The following FAM135B variants were observed in gnomAD, a reference collection of about 807,000 sequenced individuals.
FAM135B encodes protein FAM135B.
FAM135B carries 43 observed loss-of-function variants against 127.7 expected under a neutral mutation model. The ratio of observed to expected loss-of-function variants is 0.34; its 90% CI spans 0.26 to 0.43. The LOEUF is 0.43. Among genes scored for constraint, FAM135B ranks in the 20% least tolerant of loss-of-function variants. FAM135B has a pLI of 1.00. For missense variants in FAM135B, 1,558 were observed against 1,725.6 expected (o/e 0.90, Z 1.72); for synonymous variants, 670 against 665.1 (o/e 1.01, Z -0.11).
At chr8:138,409,624 C>A in intron 1 of FAM135B, among the ~76,000 whole-genome samples, 1 of 151,920 alleles carries the variant, frequency 6.6e-6, no homozygotes, top group East Asian at 1.9e-4. Context: ...GCCTGTAATC[C>A]CAGCACTTTG....
At chr8:138,447,614 T>C (rs1204953971) in intron 1 of FAM135B, among the ~76,000 whole-genome samples, 1 of 145,616 alleles carries the variant, frequency 6.9e-6, no homozygotes, top group African/African-American at 2.6e-5. Flanking sequence ...TGAGAACACT[T>C]GTACACAGGA....
intron 9 of FAM135B, among the ~76,000 whole-genome samples, chr8:138,181,970 A>G (rs536321281): frequency 2.0e-5 from 3 of 152,238 alleles, no homozygotes; most frequent in East Asian, 3.9e-4. Flanking sequence ...AGTGAGGGTC[A>G]GTGACTCTTT....
At chr8:138,466,881 C>T (rs1008304710) in intron 1 of FAM135B, among the ~76,000 whole-genome samples, 1 of 152,252 alleles carries the variant, frequency 6.6e-6, no homozygotes, top group South Asian at 2.1e-4. Flanking sequence ...ACAAACTTTA[C>T]TTTGATGATT....
In FAM135B at chr8:138,151,952, G is replaced by A. The variant is rs771264304; in HGVS notation, c.2523C>T (p.Gly841=). The A allele has an allele frequency of 4.3e-6, 7 of 1,613,998 alleles. No homozygotes were observed. The highest frequency in any genetic ancestry group is 4.0e-5 in the African/African-American group (3 of 74,910). Residue 841 remains glycine (G), a synonymous_variant, in exon 13 of 20, where the codon GGC becomes GGT. Coordinates refer to ENST00000395297, the MANE Select transcript of FAM135B (RefSeq NM_015912.4). ...CTTTGGGGATGTCTATGTATCCGGG[G>A]CCCTGCTGGTTGTCAGCATCTAAAA... is the stretch of plus-strand genomic sequence containing the variant. ...EIVLDADNQQ[G]PGYIDIPKGK...
chr8:138,147,030 T>C (rs1046289733), intron 14 of FAM135B, among the ~76,000 whole-genome samples: 18 of 152,192 alleles, frequency 1.2e-4, no homozygotes, highest in African/African-American at 3.6e-4. Context: ...TGGAGTTATC[T>C]CTAATGCTTA....
intron 3 of FAM135B, among the ~76,000 whole-genome samples, chr8:138,304,044 T>C (rs909175819): frequency 3.3e-5 from 5 of 152,152 alleles, no homozygotes; most frequent in African/African-American, 4.8e-5. Flanking sequence ...TAACTTATGA[T>C]GGGTGTGCTG....
rs557713565 is a variant in FAM135B, at chr8:138,462,542, C to T, written c.-20+34129G>A. Among the ~76,000 whole-genome samples the T allele has an allele frequency of 2.6e-5, 4 of 152,214 alleles. No individual in the cohort carries two copies. The East Asian group carries it at 7.7e-4, about 29-fold the overall frequency. ...CAGAGGGTGTGCAGGTCCTAGAATG[C>T]TACCTGGAGTCACTGGGGAGAGGAG... On this transcript the variant is annotated intron_variant, in intron 1 of 19. Transcript: ENST00000395297.
chr8:138,487,991 G>A (rs1386160401), intron 1 of FAM135B, among the ~76,000 whole-genome samples: 1 of 151,684 alleles, frequency 6.6e-6, no homozygotes. Context: ...GAGACAGAGT[G>A]AGACTCTCTC....
At chr8:138,268,204 G>A (rs1823093269) in intron 3 of FAM135B, among the ~76,000 whole-genome samples, 1 of 152,158 alleles carries the variant, frequency 6.6e-6, no homozygotes, top group African/African-American at 2.4e-5. Flanking sequence ...AATAGATCAA[G>A]CTCCTAAGAC....
rs534029205 is a variant in FAM135B at position 138,385,629 on chromosome 8, G to A, written c.-19-17627C>T. 3.3e-5 allele frequency among the ~76,000 whole-genome samples: 5 copies of A among 151,742 alleles called. No homozygotes were observed. In the South Asian group the frequency reaches 6.2e-4, roughly 19 times the overall value. On this transcript the variant is annotated intron_variant, in intron 1 of 19. Transcript: ENST00000395297. The stretch of plus-strand genomic sequence containing the variant: ...AGTTCTAGACCAGCCTGGCCAACAT[G>A]GTGAAACACTGTGTCTACTAAAAAA...
In FAM135B at chr8:138,151,277, G is replaced by A. The variant is rs2130722894; in HGVS notation, c.3198C>T (p.Ile1066=). ...GFSSKQTLFP[I]THQPLGSFGV... is the part of the protein sequence containing the mutation. ...CAAAGGATCCCAAAGGCTGATGGGTGATGGGAAACAGGGTCTGTTTGGAAG... is the reference window on the plus strand; with the variant it reads ...CAAAGGATCCCAAAGGCTGATGGGTAATGGGAAACAGGGTCTGTTTGGAAG... The change falls in exon 13 of 20, where the codon ATC becomes ATT. Residue 1066 remains isoleucine (I), a synonymous_variant. Transcript: ENST00000395297. The A allele has an allele frequency of 6.2e-7, 1 of 1,613,498 alleles. No homozygotes were observed. Among genetic ancestry groups the A allele is most frequent in the Non-Finnish European group, 8.5e-7 (1 of 1,179,812 alleles).
chr8:138,441,841 C>G (rs897269797), intron 1 of FAM135B: 6 of 151,584 alleles, frequency 4.0e-5, no homozygotes, highest in Admixed American at 2.0e-4. Context: ...AGTCTGAAGA[C>G]TCAAAGAGTG....
At chr8:138,386,572 T>C (rs1379186896) in intron 1 of FAM135B, among the ~76,000 whole-genome samples, 3 of 152,214 alleles carry the variant, frequency 2.0e-5, no homozygotes, top group South Asian at 2.1e-4. Flanking sequence ...TCAACTGTGG[T>C]ATAGAATGAA....
intron 12 of FAM135B, among the ~76,000 whole-genome samples, chr8:138,155,538 A>G (rs1201325056): frequency 6.6e-6 from 1 of 152,204 alleles, no homozygotes; most frequent in Non-Finnish European, 1.5e-5. Context: ...AGTGTGCTGT[A>G]TTCAGGAGAC....
At chr8:138,206,257 A>C (rs200602110) in intron 7 of FAM135B, among the ~76,000 whole-genome samples, 161 of 6,536 alleles carry the variant, frequency 0.025, no homozygotes, top group Non-Finnish European at 0.029. Flanking sequence ...CTCCACCTAC[A>C]CACAGCTCTA....
At chr8:138,324,087 C>T (rs1827637564) in intron 2 of FAM135B, among the ~76,000 whole-genome samples, 1 of 152,352 alleles carries the variant, frequency 6.6e-6, no homozygotes, top group South Asian at 2.1e-4. Context: ...AAAGCGGAAA[C>T]TGCAAATCCC....
At chr8:138,289,933 A>G (rs1425960121) in intron 3 of FAM135B, among the ~76,000 whole-genome samples, 1 of 152,232 alleles carries the variant, frequency 6.6e-6, no homozygotes, top group Non-Finnish European at 1.5e-5. Flanking sequence ...GACATGACAG[A>G]TCATCAACTA....
At chr8:138,398,872 C>T (rs770654121) in intron 1 of FAM135B, among the ~76,000 whole-genome samples, 4 of 152,120 alleles carry the variant, frequency 2.6e-5, no homozygotes, top group Non-Finnish European at 5.9e-5. Context: ...TCTATTTCCC[C>T]TAATACAGAA....
chr8:138,156,498 G>A (rs1404923832), intron 12 of FAM135B, among the ~76,000 whole-genome samples: 1 of 139,082 alleles, frequency 7.2e-6, no homozygotes, highest in Non-Finnish European at 1.6e-5. Context: ...AAAAATCAAC[G>A]AATCCAGGAG....
Sources: allele counts gnomAD v4.1 joint callset (sites outside exome capture counted in the v4.1 genomes callset), GRCh38; gene constraint gnomAD v4.1.1; transcripts MANE v1.5; gene names NCBI Gene and HGNC (gene_info 2026-07-23, HGNC 2026-07-21).